SLC39A11: variants seen among roughly 807,000 people sequenced by gnomAD.
SLC39A11 encodes solute carrier family 39 member 11.
Under a neutral mutation model 36.1 loss-of-function variants are expected in SLC39A11, and 33 were observed. The ratio of observed to expected loss-of-function variants is 0.91; its 90% CI spans 0.69 to 1.22. SLC39A11 has a LOEUF of 1.22. Among genes scored for constraint, SLC39A11 ranks in the 50% most tolerant of loss-of-function variants. The probability of loss-of-function intolerance (pLI) is 0.00; values close to 1 mark genes in which losing one functional copy is unlikely to be tolerated. For synonymous variants in SLC39A11, 166 were observed against 170.3 expected (o/e 0.97, Z 0.20); for missense variants, 432 against 430.3 (o/e 1.00, Z -0.03).
At position 72,811,068 on chromosome 17, in the gene SLC39A11, CAA is replaced by C. The variant is rs10707741; in HGVS notation, c.601+38564_601+38565del. ...TGTTAAAACTTGATTTGAATAAAAG[CAA>C]AAAAAAAAAAACATTGTTTAGACTG... On this transcript the variant is annotated intron_variant, in intron 6 of 9. Coordinates refer to ENST00000255559, the MANE Select transcript of SLC39A11 (RefSeq NM_139177.4). Among the ~76,000 whole-genome samples the C allele has an allele frequency of 4.8e-3, 685 of 141,892 alleles. 7 individuals are homozygous for C. Among genetic ancestry groups the C allele is most frequent in the African/African-American group, 0.016 (618 of 39,418 alleles). The allele number at this position is 141,892 out of a possible 152,430, so 93.1% of individuals were successfully genotyped here.
At chr17:72,900,666 G>A (rs1349595181) in intron 5 of SLC39A11, among the ~76,000 whole-genome samples, 2 of 151,976 alleles carry the variant, frequency 1.3e-5, no homozygotes, top group African/African-American at 4.8e-5. Flanking sequence ...GGGGGCAGGC[G>A]CGCCCTCCAG....
intron 4 of SLC39A11, among the ~76,000 whole-genome samples, chr17:72,949,882 C>T (rs187946032): frequency 9.1e-4 from 138 of 151,530 alleles, no homozygotes; most frequent in African/African-American, 3.2e-3. Flanking sequence ...TTAAAAAATA[C>T]TAAAACAATT....
chr17:72,775,213 C>T (rs2076092882), intron 6 of SLC39A11, among the ~76,000 whole-genome samples: 1 of 152,130 alleles, frequency 6.6e-6, no homozygotes, highest in Non-Finnish European at 1.5e-5. Context: ...TGGTCCCAAG[C>T]CTAGAGCACC....
chr17:73,058,109 C>A (rs1050915524), intron 3 of SLC39A11, among the ~76,000 whole-genome samples: 6 of 145,870 alleles, frequency 4.1e-5, no homozygotes, highest in African/African-American at 1.5e-4. Flanking sequence ...TAGAAACTTT[C>A]AAAATGGAGA....
At chr17:73,081,675 A>ATG (rs1379073167) in intron 3 of SLC39A11, among the ~76,000 whole-genome samples, 20 of 144,224 alleles carry the variant, frequency 1.4e-4, no homozygotes, top group Non-Finnish European at 2.3e-4. Context: ...ACACACATAT[A>ATG]TATACACATA....
At chr17:72,672,348 T>C (rs992016686) in intron 7 of SLC39A11, among the ~76,000 whole-genome samples, 7 of 151,918 alleles carry the variant, frequency 4.6e-5, no homozygotes, top group African/African-American at 1.7e-4. Flanking sequence ...ATTTGGGAGG[T>C]TGAGGCATGA....
At chr17:72,765,193 A>T (rs369281226) in intron 6 of SLC39A11, among the ~76,000 whole-genome samples, 1 of 152,126 alleles carries the variant, frequency 6.6e-6, no homozygotes, top group East Asian at 1.9e-4. Context: ...CTGCAAATAA[A>T]CTAAGACTGG....
chr17:73,046,980 T>C (rs1046254700), intron 3 of SLC39A11, among the ~76,000 whole-genome samples: 1 of 151,676 alleles, frequency 6.6e-6, no homozygotes, highest in Non-Finnish European at 1.5e-5. Flanking sequence ...AAAGGTAATG[T>C]AGCCTAGTAG....
chr17:72,674,929 G>A (rs1020491509), intron 7 of SLC39A11, among the ~76,000 whole-genome samples: 1 of 148,144 alleles, frequency 6.8e-6, no homozygotes, highest in Non-Finnish European at 1.5e-5. Flanking sequence ...AATATACATA[G>A]ATGAGAAGGA....
At chr17:72,947,999 C>T in intron 4 of SLC39A11, 124 bp from the exon 5 acceptor site, 1 of 1,274,976 alleles carries the variant, frequency 7.8e-7, no homozygotes, top group East Asian at 2.3e-5. Context: ...CTGAGCCAGT[C>T]CTCCGGCCAA....
At chr17:72,860,233 T>A (rs1432696242) in intron 5 of SLC39A11, among the ~76,000 whole-genome samples, 1 of 152,000 alleles carries the variant, frequency 6.6e-6, no homozygotes, top group Non-Finnish European at 1.5e-5. Context: ...AGTTTGCTAG[T>A]CTCGCCACCA....
chr17:72,801,690 A>G (rs1185452683), intron 6 of SLC39A11, among the ~76,000 whole-genome samples: 1 of 152,238 alleles, frequency 6.6e-6, no homozygotes, highest in Non-Finnish European at 1.5e-5. Flanking sequence ...TCAGGATGGC[A>G]TTTTAAAAAA....
intron 3 of SLC39A11, among the ~76,000 whole-genome samples, chr17:73,052,495 G>T (rs1482640675): frequency 6.6e-6 from 1 of 152,134 alleles, no homozygotes; most frequent in Non-Finnish European, 1.5e-5. Context: ...GTCCAGGAAG[G>T]CCAGTAGCCA....
intron 3 of SLC39A11, among the ~76,000 whole-genome samples, chr17:73,083,250 A>G (rs2060607102): frequency 6.6e-6 from 1 of 152,158 alleles, no homozygotes; most frequent in South Asian, 2.1e-4. Flanking sequence ...CAGGCACAGC[A>G]GTTATAGGGA....
intron 7 of SLC39A11, among the ~76,000 whole-genome samples, chr17:72,671,975 A>G (rs1308642272): frequency 6.6e-6 from 1 of 152,208 alleles, no homozygotes; most frequent in Admixed American, 6.5e-5. Context: ...AGTAGACAAT[A>G]CTGTATTGTA....
At chr17:72,818,670 T>C (rs142763308) in intron 6 of SLC39A11, among the ~76,000 whole-genome samples, 14 of 152,286 alleles carry the variant, frequency 9.2e-5, no homozygotes, top group African/African-American at 3.4e-4. Context: ...TTTAAGCTAA[T>C]AGGAATTCTA....
At chr17:73,037,121 T>C (rs1337163373) in intron 3 of SLC39A11, among the ~76,000 whole-genome samples, 1 of 152,238 alleles carries the variant, frequency 6.6e-6, no homozygotes, top group Middle Eastern at 3.2e-3. Flanking sequence ...AGTTTATCTG[T>C]TCACCTATTG....
chr17:72,960,657 T>TAATTA (rs1555652158), intron 4 of SLC39A11, among the ~76,000 whole-genome samples: 2 of 151,620 alleles, frequency 1.3e-5, no homozygotes, highest in African/African-American at 4.9e-5. Context: ...AAATTAAATT[T>TAATTA]AATTAAATTA....
At chr17:73,076,569 C>A (rs576812940) in intron 3 of SLC39A11, among the ~76,000 whole-genome samples, 1 of 152,118 alleles carries the variant, frequency 6.6e-6, no homozygotes, top group South Asian at 2.1e-4. Flanking sequence ...TACAATGGGA[C>A]CCCGGTCAAC....
Sources: gnomAD v4.1 joint callset for allele counts (sites outside exome capture counted in the v4.1 genomes callset) on GRCh38, gnomAD v4.1.1 for gene constraint, MANE v1.5 for transcripts, NCBI Gene and HGNC (gene_info 2026-07-23, HGNC 2026-07-21) for gene names.